The following NCK2 variants were observed in gnomAD, a reference collection of about 807,000 sequenced individuals.
The protein encoded by NCK2 is NCK adaptor protein 2.
In NCK2, 16 loss-of-function variants were observed where a neutral mutation model predicts 33.9. The ratio of observed to expected loss-of-function variants is 0.47; its 90% CI spans 0.32 to 0.72. The LOEUF (loss-of-function observed/expected upper bound fraction) is 0.72, where lower values mean the gene tolerates loss of function less well. Ranked by LOEUF, NCK2 falls within the 30% of genes least tolerant of loss-of-function variation. The pLI is 0.03. For synonymous variants in NCK2, 273 were observed against 239.9 expected, an observed-to-expected ratio of 1.14 and a Z score of -1.27; for missense variants, 418 against 537.3, an observed-to-expected ratio of 0.78 and a Z score of 2.19.
At chr2:105,890,197 C>T (rs3769491) in intron 4 of NCK2, among the ~76,000 whole-genome samples, 33,712 of 152,070 alleles carry the variant, frequency 0.22, 4,159 homozygotes, top group Admixed American at 0.33. Context: ...TCTTCTGCTG[C>T]GAAAATTTTA....
At chr2:105,749,281 A>G (rs953614514) in intron 1 of NCK2, among the ~76,000 whole-genome samples, 1 of 152,182 alleles carries the variant, frequency 6.6e-6, no homozygotes, top group Admixed American at 6.5e-5. Flanking sequence ...AAGAAGCTTC[A>G]AGTGCACTCA....
At position 105,816,628 on chromosome 2, in the gene NCK2, T is replaced by G. The variant is rs1194081808; in HGVS notation, c.-17+15T>G. 1.3e-5 allele frequency: 2 copies of G among 152,218 alleles called. No individual in the cohort carries two copies. The highest frequency in any genetic ancestry group is 4.8e-5 in the African/African-American group (2 of 41,468). The allele number at this position is 152,218 out of a possible 1,614,324, so 9.4% of individuals were successfully genotyped here. On this transcript the variant is annotated intron_variant, in intron 2 of 4. Coordinates refer to ENST00000233154, the MANE Select transcript of NCK2 (RefSeq NM_003581.5). The stretch of plus-strand genomic sequence containing the variant: ...GTGTGCCAAAGGTAAGTCTGCAGTT[T>G]TCTGCTTAAAACAGAAGTTGCAGCT...
intron 2 of NCK2, among the ~76,000 whole-genome samples, chr2:105,832,938 T>G (rs115737474): frequency 0.014 from 2,055 of 151,842 alleles, 48 homozygotes; most frequent in African/African-American, 0.047. Context: ...AGTTTGTCTT[T>G]ATAAGTTTGG....
chr2:105,867,671 T>C (rs531221807), intron 3 of NCK2, among the ~76,000 whole-genome samples: 121 of 152,270 alleles, frequency 7.9e-4, no homozygotes, highest in Middle Eastern at 6.8e-3. Flanking sequence ...GGGATTCACA[T>C]TGCTGTGTGC....
chr2:105,794,971 G>GT (rs1308648461), intron 1 of NCK2, among the ~76,000 whole-genome samples: 2 of 151,998 alleles, frequency 1.3e-5, no homozygotes, highest in South Asian at 2.1e-4. Flanking sequence ...TTTTAAAGAT[G>GT]TTTTTTTCTT....
chr2:105,793,962 G>C (rs937270201), intron 1 of NCK2, among the ~76,000 whole-genome samples: 1 of 151,688 alleles, frequency 6.6e-6, no homozygotes, highest in African/African-American at 2.4e-5. Context: ...CTTTGGTGTG[G>C]TTTGTTTTTA....
At chr2:105,745,816 C>T (rs1022139707) in intron 1 of NCK2, 3 of 152,342 alleles carry the variant, frequency 2.0e-5, no homozygotes, top group Admixed American at 1.3e-4. Flanking sequence ...CAAAGTTTCT[C>T]ACAATCGCTC....
intron 4 of NCK2, among the ~76,000 whole-genome samples, chr2:105,885,777 ATAC>A (rs1443690064): frequency 1.3e-5 from 2 of 152,248 alleles, no homozygotes; most frequent in Admixed American, 6.5e-5. Context: ...TTTCTGCATA[ATAC>A]TACATTTCCA....
chr2:105,747,536 G>A (rs921288710), intron 1 of NCK2, among the ~76,000 whole-genome samples: 2 of 152,170 alleles, frequency 1.3e-5, no homozygotes, highest in Non-Finnish European at 2.9e-5. Flanking sequence ...ATCATTCTCT[G>A]ACATTAAAAA....
chr2:105,748,784 G>T (rs1167512795), intron 1 of NCK2, among the ~76,000 whole-genome samples: 1 of 151,956 alleles, frequency 6.6e-6, no homozygotes, highest in Non-Finnish European at 1.5e-5. Context: ...GACTGGTCTT[G>T]CCACTTATAC....
intron 3 of NCK2, among the ~76,000 whole-genome samples, chr2:105,863,239 G>T (rs1344732831): frequency 6.6e-6 from 1 of 152,106 alleles, no homozygotes; most frequent in African/African-American, 2.4e-5. Flanking sequence ...TTGTGGGTCT[G>T]TCATCGTGAT....
intron 4 of NCK2, among the ~76,000 whole-genome samples, chr2:105,891,038 G>A (rs1001396150): frequency 1.3e-5 from 2 of 152,216 alleles, no homozygotes; most frequent in Non-Finnish European, 2.9e-5. Flanking sequence ...GGCCAGGCAT[G>A]TCCGAGGTAC....
At chr2:105,828,041 C>T (rs1261253459) in intron 2 of NCK2, among the ~76,000 whole-genome samples, 1 of 152,194 alleles carries the variant, frequency 6.6e-6, no homozygotes, top group Admixed American at 6.5e-5. Flanking sequence ...AGGGACCACT[C>T]TGCACACCCT....
intron 2 of NCK2, among the ~76,000 whole-genome samples, chr2:105,818,961 C>CA (rs1320405492): frequency 6.6e-6 from 1 of 152,146 alleles, no homozygotes; most frequent in African/African-American, 2.4e-5. Flanking sequence ...TTTAGAACAG[C>CA]ATAAGATTAA....
chr2:105,782,875 A>G (rs1389011720), intron 1 of NCK2, among the ~76,000 whole-genome samples: 1 of 152,144 alleles, frequency 6.6e-6, no homozygotes, highest in African/African-American at 2.4e-5. Context: ...AACGCTCCCA[A>G]CTGGAGAGGC....
intron 2 of NCK2, among the ~76,000 whole-genome samples, chr2:105,844,726 C>T (rs1489836082): frequency 7.2e-6 from 1 of 139,652 alleles, no homozygotes; most frequent in South Asian, 2.4e-4. Flanking sequence ...CAGAGTAAGA[C>T]TCTGTCTTGG....
intron 3 of NCK2, among the ~76,000 whole-genome samples, chr2:105,879,229 A>G (rs1161241530): frequency 6.6e-6 from 1 of 152,184 alleles, no homozygotes. Flanking sequence ...TCTTGACATC[A>G]TTGTTGCCAA....
intron 1 of NCK2, among the ~76,000 whole-genome samples, chr2:105,745,526 C>T (rs1689252374): frequency 6.6e-6 from 1 of 152,056 alleles, no homozygotes; most frequent in African/African-American, 2.4e-5. Flanking sequence ...GCACGGAGCT[C>T]GGGGCTAGCG....
At chr2:105,845,147 G>T (rs189627100) in intron 2 of NCK2, among the ~76,000 whole-genome samples, 3 of 152,180 alleles carry the variant, frequency 2.0e-5, no homozygotes, top group African/African-American at 7.2e-5. Context: ...TTAGGAATGT[G>T]GGCATAAACC....
Sources: allele counts gnomAD v4.1 joint callset (sites outside exome capture counted in the v4.1 genomes callset), GRCh38; gene constraint gnomAD v4.1.1; transcripts MANE v1.5; gene names NCBI Gene and HGNC (gene_info 2026-07-23, HGNC 2026-07-21).